SGIP1: variants seen among roughly 807,000 people sequenced by gnomAD.
SGIP1 encodes SH3GL interacting endocytic adaptor 1, also known as SH3-containing GRB2-like protein 3-interacting protein 1.
SGIP1 carries 38 observed loss-of-function variants against 107.5 expected under a neutral mutation model. The ratio of observed to expected loss-of-function variants is 0.35; its 90% confidence interval spans 0.27 to 0.46. The LOEUF is 0.46. SGIP1 is among the 20% of genes least tolerant of loss of function. The pLI, the probability that SGIP1 is intolerant of heterozygous loss-of-function variation, is 1.00. For synonymous variants in SGIP1, 365 were observed against 366.1 expected (o/e 1.00, Z 0.03); for missense variants, 929 against 1,019.5 (o/e 0.91, Z 1.21).
intron 1 of SGIP1, among the ~76,000 whole-genome samples, chr1:66,582,629 T>C (rs2148760663): frequency 6.6e-6 from 1 of 152,100 alleles, no homozygotes; most frequent in African/African-American, 2.4e-5. Context: ...CATCAGTGCA[T>C]GAAATAAACA....
Position 66,684,008 on chromosome 1 carries a change from C to T in SGIP1, c.1315+1639C>T, listed in dbSNP as rs186124417. On this transcript the variant is annotated intron_variant, in intron 15 of 24. Coordinates refer to ENST00000371037, the MANE Select transcript of SGIP1 (RefSeq NM_032291.4). ...CTGGGATTATAGGCTTGAGCTACCGCGCCCAGCCCTAAATGCTTTTTGGCC... is the reference window on the plus strand; with the variant it reads ...CTGGGATTATAGGCTTGAGCTACCGTGCCCAGCCCTAAATGCTTTTTGGCC... 1.3e-3 allele frequency: 1,945 copies of T among 1,492,490 alleles called. 7 individuals carry two copies. Among genetic ancestry groups the T allele is most frequent in the Middle Eastern group, 2.1e-3 (9 of 4,216 alleles). 92.5% of individuals were successfully genotyped at this position (1,492,490 alleles called of 1,614,324 possible).
intron 1 of SGIP1, among the ~76,000 whole-genome samples, chr1:66,624,034 G>C (rs1292816309): frequency 6.6e-6 from 1 of 152,192 alleles, no homozygotes; most frequent in Non-Finnish European, 1.5e-5. Flanking sequence ...TGTATTTTCT[G>C]ATATATTTGG....
intron 1 of SGIP1, among the ~76,000 whole-genome samples, chr1:66,535,889 G>T (rs2053486882): frequency 1.1e-5 from 1 of 93,124 alleles, no homozygotes; most frequent in Admixed American, 1.3e-4. Context: ...TATTTCTCCA[G>T]CTCAACTTCA....
chr1:66,591,164 A>G (rs551304827), intron 1 of SGIP1, among the ~76,000 whole-genome samples: 1 of 152,342 alleles, frequency 6.6e-6, no homozygotes, highest in African/African-American at 2.4e-5. Context: ...CCTTCCCTCT[A>G]TCTACAGCCT....
chr1:66,602,403 C>T (rs1448998363), intron 1 of SGIP1, among the ~76,000 whole-genome samples: 2 of 152,050 alleles, frequency 1.3e-5, no homozygotes, highest in Admixed American at 6.6e-5. Flanking sequence ...TTAAAAGCTC[C>T]CTGCATGATC....
intron 12 of SGIP1, among the ~76,000 whole-genome samples, chr1:66,674,022 G>T (rs1459527657): frequency 6.6e-6 from 1 of 151,978 alleles, no homozygotes; most frequent in African/African-American, 2.4e-5. Context: ...TTTAAAATTA[G>T]CCGGGCATGG....
intron 2 of SGIP1, among the ~76,000 whole-genome samples, chr1:66,629,692 T>C (rs1429700668): frequency 1.3e-5 from 2 of 151,988 alleles, no homozygotes; most frequent in African/African-American, 4.8e-5. Context: ...AAGTCTGCCA[T>C]GAAAAAGAAA....
In SGIP1 at chr1:66,740,718, T is replaced by C. The variant is rs753939035; in HGVS notation, c.2295T>C (p.Asn765=). The change falls in exon 23 of 25, where the codon AAT becomes AAC. Residue 765 remains asparagine (N), a synonymous_variant. Coordinates refer to ENST00000371037, the MANE Select transcript of SGIP1 (RefSeq NM_032291.4). ...CTGATATCTCTCAGAAGTCAGAAAATGGAGGTAATGGAATCACAAGTTTAT... is the reference window on the plus strand; with the variant it reads ...CTGATATCTCTCAGAAGTCAGAAAACGGAGGTAATGGAATCACAAGTTTAT... ...KIPDISQKSE[N]GGVGSLLARF... is the part of the protein sequence containing the mutation. 6.3e-7 allele frequency: 1 copy of C among 1,598,814 alleles called. No individual in the cohort carries two copies. Among genetic ancestry groups the C allele is most frequent in the South Asian group, 1.1e-5 (1 of 90,060 alleles).
intron 1 of SGIP1, among the ~76,000 whole-genome samples, chr1:66,555,731 C>T (rs545432993): frequency 6.6e-6 from 1 of 152,198 alleles, no homozygotes; most frequent in South Asian, 2.1e-4. Context: ...AGGTGTTGAC[C>T]TGGATGAATC....
At chr1:66,699,034 C>T (rs954776632) in intron 18 of SGIP1, among the ~76,000 whole-genome samples, 5 of 151,912 alleles carry the variant, frequency 3.3e-5, no homozygotes, top group Non-Finnish European at 5.9e-5. Flanking sequence ...AGACTCTCTG[C>T]GCTCCTGTTT....
chr1:66,684,934 T>G (rs1257087219), intron 15 of SGIP1, among the ~76,000 whole-genome samples: 1 of 152,262 alleles, frequency 6.6e-6, no homozygotes, highest in African/African-American at 2.4e-5. Context: ...ATTTAAAGAT[T>G]GGATTTCTAC....
rs745962699 is a variant in SGIP1, at chr1:66,660,140, G to GA, written c.460-371dup. On this transcript the variant is annotated intron_variant, in intron 7 of 24. Transcript: ENST00000371037. ...GGAAGGAAAGAAAGAAAGAAAGAAA[G>GA]AAGAGAGAAAGAAAGAAAGAAAGAA... 3.2e-3 allele frequency: 193 copies of GA among 60,486 alleles called. 8 individuals carry two copies. The highest frequency in any genetic ancestry group is 0.019 in the African/African-American group (174 of 9,044). 3.7% of individuals were successfully genotyped at this position (60,486 alleles called of 1,614,324 possible).
chr1:66,633,971 T>C, intron 3 of SGIP1: 2 of 884,738 alleles, frequency 2.3e-6, no homozygotes, highest in South Asian at 1.6e-5. Flanking sequence ...TCAAGGTTCT[T>C]AGCTTTGGGG....
At chr1:66,585,735 C>T (rs1241394396) in intron 1 of SGIP1, among the ~76,000 whole-genome samples, 2 of 151,980 alleles carry the variant, frequency 1.3e-5, no homozygotes, top group African/African-American at 4.8e-5. Context: ...GGTGATCCAC[C>T]CACCTTGGCC....
intron 1 of SGIP1, among the ~76,000 whole-genome samples, chr1:66,603,709 A>C (rs559331698): frequency 2.6e-5 from 4 of 152,340 alleles, no homozygotes; most frequent in African/African-American, 9.6e-5. Flanking sequence ...GAATGGAAGA[A>C]TAAATTAGTT....
intron 1 of SGIP1, among the ~76,000 whole-genome samples, chr1:66,591,768 A>G (rs922695398): frequency 6.6e-6 from 1 of 152,194 alleles, no homozygotes; most frequent in Non-Finnish European, 1.5e-5. Flanking sequence ...TCTACCATTT[A>G]GGTGAGGGTG....
At chr1:66,739,651 G>A in intron 22 of SGIP1, 114 bp downstream of exon 22, 2 of 1,007,316 alleles carry the variant, frequency 2.0e-6, no homozygotes, top group Non-Finnish European at 3.0e-6. Context: ...GTGCATTAGG[G>A]TTCAGGGCAG....
rs778155276 is a variant in SGIP1, at chr1:66,673,304, C to T, written c.584C>T (p.Thr195Met). ...LISKKPPDDT[T>M]ALAPLFGPPL... The stretch of plus-strand genomic sequence containing the variant: ...AGCAAAAAGCCTCCAGATGACACTA[C>T]GGCCCTTGCTCCTCTCTTTGGCCCA... The change falls in exon 12 of 25, where the codon ACG (threonine) becomes ATG (methionine). Residue 195 changes from threonine to methionine, a missense_variant. This residue lies in a region of SGIP1 where 588 missense variants were observed against 588.6 expected (regional missense o/e 1.00). Coordinates refer to ENST00000371037, the MANE Select transcript of SGIP1 (RefSeq NM_032291.4). The T allele has an allele frequency of 1.7e-5, 27 of 1,613,800 alleles. No individual in the cohort carries two copies. The East Asian group carries it at 1.8e-4, about 11-fold the overall frequency.
At chr1:66,700,656 T>C (rs1381112786) in intron 18 of SGIP1, among the ~76,000 whole-genome samples, 2 of 152,196 alleles carry the variant, frequency 1.3e-5, no homozygotes, top group Non-Finnish European at 2.9e-5. Flanking sequence ...AGCATATCCA[T>C]CATCTCAAAT....
Sources: allele counts gnomAD v4.1 joint callset (sites outside exome capture counted in the v4.1 genomes callset), GRCh38; gene constraint gnomAD v4.1.1; regional missense constraint gnomAD v4.1.1; transcripts MANE v1.5; gene names NCBI Gene and HGNC (gene_info 2026-07-23, HGNC 2026-07-21).